The following LRBA variants were observed in gnomAD, a reference collection of about 807,000 sequenced individuals.
LRBA encodes lipopolysaccharide-responsive and beige-like anchor protein.
In LRBA, 176 loss-of-function variants were observed where a neutral mutation model predicts 330.0. That is an observed-to-expected ratio of 0.53 (90% CI 0.47 to 0.60). LRBA has a LOEUF of 0.60. Among genes scored for constraint, LRBA ranks in the 20% least tolerant of loss-of-function variants. LRBA has a pLI of 0.00. For missense variants in LRBA, 3,259 were observed against 3,444.8 expected (o/e 0.95, Z 1.35); for synonymous variants, 1,230 against 1,193.0 (o/e 1.03, Z -0.64).
At chr4:150,673,948 A>G (rs927426273) in intron 37 of LRBA, among the ~76,000 whole-genome samples, 1 of 152,196 alleles carries the variant, frequency 6.6e-6, no homozygotes, top group African/African-American at 2.4e-5. Flanking sequence ...ATATATTATG[A>G]TTTAAGAGGT....
chr4:150,458,572 T>C (rs1754370469), intron 44 of LRBA, among the ~76,000 whole-genome samples: 1 of 151,888 alleles, frequency 6.6e-6, no homozygotes, highest in Non-Finnish European at 1.5e-5. Context: ...TCTATCTAAA[T>C]CCAAAGATTC....
intron 34 of LRBA, among the ~76,000 whole-genome samples, chr4:150,775,493 AC>A (rs1560800264): frequency 0.037 from 3,177 of 85,446 alleles, 81 homozygotes; most frequent in Middle Eastern, 0.073. Flanking sequence ...ACACACACAC[AC>A]ACACACACAG....
intron 37 of LRBA, among the ~76,000 whole-genome samples, chr4:150,631,293 T>A (rs2126670786): frequency 6.6e-6 from 1 of 152,264 alleles, no homozygotes; most frequent in East Asian, 1.9e-4. Flanking sequence ...ATTAAGTTGC[T>A]GCTGCTACTA....
At chr4:150,503,102 C>T (rs1302807230) in intron 40 of LRBA, among the ~76,000 whole-genome samples, 1 of 152,234 alleles carries the variant, frequency 6.6e-6, no homozygotes, top group African/African-American at 2.4e-5. Context: ...GGCCTGCCTG[C>T]CTCTGGAGGC....
intron 47 of LRBA, among the ~76,000 whole-genome samples, chr4:150,397,332 G>A (rs1469266090): frequency 1.3e-5 from 2 of 152,096 alleles, no homozygotes; most frequent in Non-Finnish European, 2.9e-5. Context: ...GGTCTGGAGT[G>A]CAGTGACACA....
In LRBA at chr4:150,700,786, G is replaced by A. The variant is rs1364790130; in HGVS notation, c.5755-17069C>T. ...TTTTTTTTTTTTGAGACAGAGTCTT[G>A]CTCTGGTGAGACAGAGGCTAGAGTG... On this transcript the variant is annotated intron_variant, in intron 36 of 56. Coordinates refer to ENST00000651943, the MANE Select transcript of LRBA (RefSeq NM_001364905.1). Among the ~76,000 whole-genome samples, 5 of 137,944 alleles carry A rather than the reference G, an allele frequency of 3.6e-5. No homozygotes were observed. In the Admixed American group the frequency reaches 3.7e-4, roughly 10 times the overall value. The allele number at this position is 137,944 out of a possible 152,430, so 90.5% of individuals were successfully genotyped here.
At chr4:150,402,854 G>A (rs903825804) in intron 47 of LRBA, among the ~76,000 whole-genome samples, 3 of 151,190 alleles carry the variant, frequency 2.0e-5, no homozygotes, top group Non-Finnish European at 4.4e-5. Flanking sequence ...GGAATCAACC[G>A]GACCACAAAA....
At chr4:150,552,084 A>G (rs1766678146) in intron 40 of LRBA, among the ~76,000 whole-genome samples, 1 of 152,140 alleles carries the variant, frequency 6.6e-6, no homozygotes, top group African/African-American at 2.4e-5. Context: ...TCGCACCCCT[A>G]TGAAAATCTA....
At chr4:150,922,400 A>G (rs952614762) in intron 4 of LRBA, among the ~76,000 whole-genome samples, 8 of 148,628 alleles carry the variant, frequency 5.4e-5, no homozygotes, top group African/African-American at 7.3e-5. Context: ...TGTGGTATAT[A>G]TATATATATA....
At position 150,735,303 on chromosome 4, in the gene LRBA, C is replaced by G. The variant is rs1174860993; in HGVS notation, c.5709G>C (p.Leu1903=). The part of the protein sequence containing the change: ...VRVANEAEFI[L]SRQRAEDIHR... ...GAATATCTTCTGCTCTCTGCCTGCT[C>G]AGGATAAATTCAGCTTCATTTGCTA... Residue 1903 remains leucine, a synonymous_variant, in exon 36 of 57, where the codon CTG becomes CTC. Coordinates refer to ENST00000651943, the MANE Select transcript of LRBA (RefSeq NM_001364905.1). The G allele has an allele frequency of 1.2e-6, 2 of 1,613,722 alleles. No individual in the cohort carries two copies. The highest frequency in any genetic ancestry group is 2.7e-5 in the African/African-American group (2 of 74,924).
intron 34 of LRBA, among the ~76,000 whole-genome samples, chr4:150,786,002 T>C (rs537321361): frequency 6.6e-6 from 1 of 152,292 alleles, no homozygotes; most frequent in East Asian, 1.9e-4. Context: ...GTGAATGTTA[T>C]CCATTATCCT....
intron 48 of LRBA, among the ~76,000 whole-genome samples, chr4:150,332,935 G>T (rs750598110): frequency 2.6e-5 from 4 of 152,090 alleles, no homozygotes; most frequent in Non-Finnish European, 5.9e-5. Flanking sequence ...TCAACAAGCT[G>T]TGTATTCTAT....
At chr4:150,982,811 TG>T (rs1419066953) in intron 2 of LRBA, among the ~76,000 whole-genome samples, 2 of 152,168 alleles carry the variant, frequency 1.3e-5, no homozygotes, top group Non-Finnish European at 2.9e-5. Flanking sequence ...AGACTATGAA[TG>T]TAATGGAACA....
At chr4:150,468,701 CTTA>C (rs1449813151) in intron 43 of LRBA, among the ~76,000 whole-genome samples, 2 of 152,072 alleles carry the variant, frequency 1.3e-5, no homozygotes, top group African/African-American at 4.8e-5. Flanking sequence ...GAATTCCTTT[CTTA>C]TTATATATTC....
intron 37 of LRBA, among the ~76,000 whole-genome samples, chr4:150,632,293 C>G (rs1777466709): frequency 6.7e-6 from 1 of 149,578 alleles, no homozygotes; most frequent in South Asian, 2.1e-4. Flanking sequence ...CACAAAAGAA[C>G]TAATTTAGAA....
chr4:150,952,328 A>G (rs1381172903), intron 2 of LRBA, among the ~76,000 whole-genome samples: 2 of 152,192 alleles, frequency 1.3e-5, no homozygotes, highest in Non-Finnish European at 2.9e-5. Flanking sequence ...ATGCTGATAC[A>G]TATAAAAATG....
intron 47 of LRBA, among the ~76,000 whole-genome samples, chr4:150,414,513 CAG>C (rs1747451704): frequency 6.6e-6 from 1 of 151,858 alleles, no homozygotes; most frequent in Admixed American, 6.6e-5. Flanking sequence ...TTTTTCGAGA[CAG>C]AGTTTCACTG....
At chr4:150,533,043 A>G (rs1368744920) in intron 40 of LRBA, among the ~76,000 whole-genome samples, 1 of 152,238 alleles carries the variant, frequency 6.6e-6, no homozygotes, top group Admixed American at 6.5e-5. Context: ...TAACCAGATA[A>G]TCAAGGCTTA....
intron 2 of LRBA, among the ~76,000 whole-genome samples, chr4:150,934,774 C>T (rs113241515): frequency 6.6e-6 from 1 of 151,804 alleles, no homozygotes; most frequent in Non-Finnish European, 1.5e-5. Context: ...TTTGGGAGGC[C>T]GAGGCGGGCA....
Sources: gnomAD v4.1 joint callset for allele counts (sites outside exome capture counted in the v4.1 genomes callset) on GRCh38, gnomAD v4.1.1 for gene constraint, MANE v1.5 for transcripts, NCBI Gene and HGNC (gene_info 2026-07-23, HGNC 2026-07-21) for gene names.